The following ARHGAP26 variants were observed in gnomAD, a reference collection of about 807,000 sequenced individuals.
ARHGAP26 encodes Rho GTPase activating protein 26.
Under a neutral mutation model 104.8 loss-of-function variants are expected in ARHGAP26, and 38 were observed. The ratio of observed to expected loss-of-function variants is 0.36; its 90% CI spans 0.28 to 0.48. The LOEUF (loss-of-function observed/expected upper bound fraction) is 0.48. Ranked by LOEUF, ARHGAP26 falls within the 20% of genes least tolerant of loss-of-function variation. The probability of loss-of-function intolerance (pLI) is 0.99; values close to 1 mark genes in which losing one functional copy is unlikely to be tolerated. For missense variants in ARHGAP26, 704 were observed against 947.9 expected, an observed-to-expected ratio of 0.74 and a Z score of 3.38; for synonymous variants, 341 against 340.0, an observed-to-expected ratio of 1.00 and a Z score of -0.03.
intron 20 of ARHGAP26, among the ~76,000 whole-genome samples, chr5:143,156,191 G>C (rs1800443545): frequency 6.6e-6 from 1 of 152,156 alleles, no homozygotes; most frequent in Admixed American, 6.5e-5. Context: ...TTCTAAATTG[G>C]GTAAATTAAA....
intron 12 of ARHGAP26, among the ~76,000 whole-genome samples, chr5:143,016,900 A>G (rs1319136649): frequency 2.0e-5 from 3 of 151,848 alleles, no homozygotes; most frequent in Non-Finnish European, 4.4e-5. Flanking sequence ...GGGTTGTTTT[A>G]CTGTATCTCT....
chr5:143,139,623 GCACCAACTACA>G (rs769269134), intron 19 of ARHGAP26, among the ~76,000 whole-genome samples: 30 of 152,256 alleles, frequency 2.0e-4, no homozygotes, highest in Non-Finnish European at 3.4e-4. Flanking sequence ...TCCAAATCTA[GCACCAACTACA>G]CAGAGAGCGA....
intron 1 of ARHGAP26, among the ~76,000 whole-genome samples, chr5:142,815,407 T>C (rs1764912492): frequency 2.0e-5 from 3 of 152,250 alleles, no homozygotes; most frequent in Admixed American, 2.0e-4. Context: ...ACTTTAGTCT[T>C]TTTTAGAGAA....
At chr5:143,005,691 A>G (rs1777850612) in intron 11 of ARHGAP26, among the ~76,000 whole-genome samples, 1 of 152,276 alleles carries the variant, frequency 6.6e-6, no homozygotes, top group African/African-American at 2.4e-5. Flanking sequence ...ACAAAGCAAC[A>G]GGCAATGCTT....
At chr5:142,849,538 C>G (rs538505043) in intron 1 of ARHGAP26, among the ~76,000 whole-genome samples, 1 of 152,208 alleles carries the variant, frequency 6.6e-6, no homozygotes, top group African/African-American at 2.4e-5. Flanking sequence ...AACGTCCCTT[C>G]CTTGCTCACC....
rs550402605 is a variant in ARHGAP26, at chr5:142,837,313, A to G, written c.155-36087A>G. ...AAAGTTCTGTTCTTCCCATGAGAGG[A>G]ATTAAGGAAGGGAAGAAAGATCTTG... On this transcript the variant is annotated intron_variant, in intron 1 of 22. Coordinates refer to ENST00000645722, the MANE Select transcript of ARHGAP26 (RefSeq NM_001135608.3). 4.5e-4 allele frequency among the ~76,000 whole-genome samples: 69 copies of G among 152,182 alleles called. 1 individual carries two copies. In the South Asian group the frequency reaches 0.014, roughly 31 times the overall value.
chr5:142,904,525 G>GA (rs10667047), intron 8 of ARHGAP26, among the ~76,000 whole-genome samples: 34 of 142,000 alleles, frequency 2.4e-4, no homozygotes, highest in South Asian at 2.2e-4. Context: ...TCTCTTAAAA[G>GA]AAAAAAAAAA....
intron 5 of ARHGAP26, among the ~76,000 whole-genome samples, chr5:142,892,374 C>T (rs1171666931): frequency 1.3e-5 from 2 of 151,906 alleles, no homozygotes; most frequent in African/African-American, 4.9e-5. Context: ...ACAGAAATCC[C>T]AGCTCTGCCG....
In ARHGAP26 at chr5:142,835,763, A is replaced by G. The variant is rs189030713; in HGVS notation, c.155-37637A>G. ...GTAACCCATGGTTAGCACATGATAC[A>G]TAATAAAAACCCAATAGTGGTTAGC... On this transcript the variant is annotated intron_variant, in intron 1 of 22. Coordinates refer to ENST00000645722, the MANE Select transcript of ARHGAP26 (RefSeq NM_001135608.3). Among the ~76,000 whole-genome samples the G allele has an allele frequency of 1.6e-3, 250 of 152,362 alleles. 1 individual carries two copies. The highest frequency in any genetic ancestry group is 5.9e-3 in the African/African-American group (246 of 41,582).
Position 142,894,281 on chromosome 5 carries a change from T to C in ARHGAP26, c.530T>C (p.Val177Ala). ...CTGGTCCGGCAGCATTTCTATGAAG[T>C]ATCCCTGGAATATGTCTTCAAGGTG... is the stretch of plus-strand genomic sequence containing the variant. Reference protein sequence around the residue: ...VDLVRQHFYEVSLEYVFKVQE... With the variant: ...VDLVRQHFYEASLEYVFKVQE... Residue 177 changes from valine to alanine, a missense_variant, in exon 6 of 23, where the codon GTA (valine) becomes GCA (alanine). Coordinates refer to ENST00000645722, the MANE Select transcript of ARHGAP26 (RefSeq NM_001135608.3). 6.2e-7 allele frequency: 1 copy of C among 1,614,126 alleles called. No individual in the cohort carries two copies.
chr5:142,791,510 G>A (rs1385129826), intron 1 of ARHGAP26, among the ~76,000 whole-genome samples: 1 of 152,168 alleles, frequency 6.6e-6, no homozygotes, highest in Admixed American at 6.5e-5. Context: ...TTGACTTTCG[G>A]TGAATTGATG....
intron 20 of ARHGAP26, among the ~76,000 whole-genome samples, chr5:143,165,827 A>G (rs1287047336): frequency 2.6e-5 from 4 of 152,146 alleles, no homozygotes; most frequent in African/African-American, 4.8e-5. Context: ...TTGATTTTCT[A>G]TTTCTGAGTA....
At chr5:143,206,508 C>G (rs911431911) in intron 20 of ARHGAP26, among the ~76,000 whole-genome samples, 6 of 152,236 alleles carry the variant, frequency 3.9e-5, no homozygotes, top group African/African-American at 1.4e-4. Flanking sequence ...TGCCTTCCCT[C>G]TGGGGCTTTT....
chr5:143,090,002 G>A (rs756223304), intron 17 of ARHGAP26, among the ~76,000 whole-genome samples: 3 of 152,240 alleles, frequency 2.0e-5, no homozygotes, highest in East Asian at 1.9e-4. Flanking sequence ...CCACACATCC[G>A]TTTGGGGATG....
chr5:143,113,401 C>T (rs1795005362), intron 17 of ARHGAP26, among the ~76,000 whole-genome samples: 1 of 152,164 alleles, frequency 6.6e-6, no homozygotes, highest in African/African-American at 2.4e-5. Flanking sequence ...TAGTTATTCA[C>T]AGAGCTTTGA....
At chr5:143,135,805 G>A (rs1797848835) in intron 19 of ARHGAP26, among the ~76,000 whole-genome samples, 1 of 152,178 alleles carries the variant, frequency 6.6e-6, no homozygotes, top group African/African-American at 2.4e-5. Flanking sequence ...CAACGTTTCA[G>A]GACTTTGACC....
intron 1 of ARHGAP26, among the ~76,000 whole-genome samples, chr5:142,785,992 T>A (rs955642732): frequency 3.4e-5 from 5 of 148,432 alleles, no homozygotes; most frequent in African/African-American, 1.3e-4. Context: ...TTTTTTTTTT[T>A]AAATAGACAG....
At chr5:142,900,983 C>T (rs756671305) in intron 6 of ARHGAP26, among the ~76,000 whole-genome samples, 17 of 152,074 alleles carry the variant, frequency 1.1e-4, no homozygotes, top group Non-Finnish European at 1.0e-4. Context: ...AAATCTCGTT[C>T]GGGCTTTTAT....
At chr5:142,802,460 A>T (rs1762254057) in intron 1 of ARHGAP26, among the ~76,000 whole-genome samples, 1 of 152,226 alleles carries the variant, frequency 6.6e-6, no homozygotes, top group African/African-American at 2.4e-5. Flanking sequence ...TTTAAGTAAA[A>T]TGGATTCTTG....
Sources: gnomAD v4.1 joint callset for allele counts (sites outside exome capture counted in the v4.1 genomes callset) on GRCh38, gnomAD v4.1.1 for gene constraint, MANE v1.5 for transcripts, NCBI Gene and HGNC (gene_info 2026-07-23, HGNC 2026-07-21) for gene names.